TLL1: variants seen among roughly 807,000 people sequenced by gnomAD.
TLL1 encodes the protein tolloid like 1.
Under a neutral mutation model 128.2 loss-of-function variants are expected in TLL1, and 49 were observed. The ratio of observed to expected loss-of-function variants is 0.38; its 90% confidence interval spans 0.30 to 0.48. TLL1 has a LOEUF of 0.48. TLL1 is among the 20% of genes least tolerant of loss of function. TLL1 has a pLI of 0.96. For missense variants in TLL1, 1,123 were observed against 1,242.0 expected (o/e 0.90, Z 1.44); for synonymous variants, 454 against 418.8 (o/e 1.08, Z -1.03).
At chr4:166,004,239 C>T (rs1041173141) in intron 6 of TLL1, among the ~76,000 whole-genome samples, 5 of 151,994 alleles carry the variant, frequency 3.3e-5, no homozygotes, top group East Asian at 3.9e-4. Context: ...TTTCAGTTGC[C>T]GAAAAATATT....
intron 1 of TLL1, among the ~76,000 whole-genome samples, chr4:165,975,329 C>A (rs1230563715): frequency 6.6e-6 from 1 of 152,086 alleles, no homozygotes; most frequent in Non-Finnish European, 1.5e-5. Context: ...CCCCTTCCCC[C>A]TCCCCCACGC....
chr4:165,940,164 T>C (rs1733942772), intron 1 of TLL1, among the ~76,000 whole-genome samples: 1 of 152,006 alleles, frequency 6.6e-6, no homozygotes, highest in Non-Finnish European at 1.5e-5. Context: ...TTTTCATTTA[T>C]GTTTTTTTTC....
At chr4:166,062,068 T>C (rs887540832) in intron 15 of TLL1, among the ~76,000 whole-genome samples, 1 of 152,152 alleles carries the variant, frequency 6.6e-6, no homozygotes, top group Non-Finnish European at 1.5e-5. Flanking sequence ...TTCTGTTCCA[T>C]TGATCTATAT....
At chr4:166,059,771 C>A (rs1468523342) in intron 14 of TLL1, among the ~76,000 whole-genome samples, 1 of 151,990 alleles carries the variant, frequency 6.6e-6, no homozygotes, top group Non-Finnish European at 1.5e-5. Context: ...GCTCCCCCTA[C>A]TTTAAAGTTA....
chr4:165,971,997 A>G lies in TLL1; in HGVS notation c.170-17384A>G, dbSNP rs1735648751. Among the ~76,000 whole-genome samples the G allele has an allele frequency of 5.3e-5, 8 of 152,322 alleles. No individual in the cohort carries two copies. In the South Asian group the frequency reaches 1.7e-3, roughly 32 times the overall value. ...AGCTTTGTGTAGCCTACGTATAAGTAGAACCATCAGGATAATTGTTTTTAA... is the reference window on the plus strand; with the variant it reads ...AGCTTTGTGTAGCCTACGTATAAGTGGAACCATCAGGATAATTGTTTTTAA... On this transcript the variant is annotated intron_variant, in intron 1 of 20. Transcript: ENST00000061240.
intron 15 of TLL1, among the ~76,000 whole-genome samples, chr4:166,063,411 A>G (rs1288184071): frequency 2.0e-5 from 3 of 152,204 alleles, no homozygotes; most frequent in Non-Finnish European, 4.4e-5. Flanking sequence ...AACTAGTTCA[A>G]CCATTGTGGA....
Position 166,064,535 on chromosome 4 carries a change from C to T in TLL1, c.2008-1148C>T, listed in dbSNP as rs533594427. On this transcript the variant is annotated intron_variant, in intron 15 of 20. Transcript: ENST00000061240. ...TGTTCTTTAATTTATAATCATGTTA[C>T]TGTGTAGAAAGCTGTTACAGAATTC... is the stretch of plus-strand genomic sequence containing the variant. Among the ~76,000 whole-genome samples, 4 of 152,152 alleles carry T rather than the reference C, an allele frequency of 2.6e-5. No homozygotes were observed. In the South Asian group the frequency reaches 8.3e-4, roughly 32 times the overall value.
At chr4:165,953,633 TA>T (rs1376659419) in intron 1 of TLL1, among the ~76,000 whole-genome samples, 1 of 14,116 alleles carries the variant, frequency 7.1e-5, no homozygotes, top group African/African-American at 3.2e-4. Context: ...CTGTCATATA[TA>T]TATATATATA....
chr4:166,081,978 G>A (rs571151735), intron 18 of TLL1, among the ~76,000 whole-genome samples: 4 of 152,044 alleles, frequency 2.6e-5, no homozygotes, highest in Non-Finnish European at 4.4e-5. Flanking sequence ...GCCAATATTC[G>A]ACTTGAGAAT....
At chr4:166,062,900 C>G (rs186185766) in intron 15 of TLL1, among the ~76,000 whole-genome samples, 5 of 152,104 alleles carry the variant, frequency 3.3e-5, no homozygotes, top group Admixed American at 2.0e-4. Context: ...CCCATCAATA[C>G]CTAGTTTATT....
intron 1 of TLL1, among the ~76,000 whole-genome samples, chr4:165,975,888 C>T (rs1483593755): frequency 6.6e-6 from 1 of 151,440 alleles, no homozygotes; most frequent in Non-Finnish European, 1.5e-5. Context: ...AAATACAAAA[C>T]TTAGCTGGGC....
intron 1 of TLL1, among the ~76,000 whole-genome samples, chr4:165,956,606 T>C (rs760110349): frequency 6.6e-6 from 1 of 152,002 alleles, no homozygotes; most frequent in African/African-American, 2.4e-5. Flanking sequence ...AAAATCACTG[T>C]TATTCTCTTC....
At chr4:166,090,826 T>G (rs553815445) in intron 18 of TLL1, among the ~76,000 whole-genome samples, 1 of 152,200 alleles carries the variant, frequency 6.6e-6, no homozygotes, top group African/African-American at 2.4e-5. Context: ...TGGATTAAAT[T>G]CAGAATAAAA....
chr4:166,062,951 G>A (rs1004733383), intron 15 of TLL1, among the ~76,000 whole-genome samples: 1 of 152,076 alleles, frequency 6.6e-6, no homozygotes, highest in Admixed American at 6.6e-5. Context: ...TTTGTCAAAG[G>A]CCTTTTCTGC....
At chr4:165,877,141 TAG>T (rs1730756283) in intron 1 of TLL1, among the ~76,000 whole-genome samples, 1 of 152,234 alleles carries the variant, frequency 6.6e-6, no homozygotes, top group Non-Finnish European at 1.5e-5. Context: ...ATTTGTGAAA[TAG>T]AATACAATTT....
At chr4:166,047,398 T>G (rs1285009615) in intron 12 of TLL1, among the ~76,000 whole-genome samples, 1 of 151,452 alleles carries the variant, frequency 6.6e-6, no homozygotes, top group Non-Finnish European at 1.5e-5. Flanking sequence ...TCTCCTGAAT[T>G]CGTGATCTGC....
rs79858677 is a variant in TLL1 at position 165,987,889 on chromosome 4, T to C, written c.170-1492T>C. On this transcript the variant is annotated intron_variant, in intron 1 of 20. Coordinates refer to ENST00000061240, the MANE Select transcript of TLL1 (RefSeq NM_012464.5). Reference sequence around the variant, plus strand: ...AAGATTTAAATCCAATGAAAGACAGTAATTTGAAAAGCATGGATTTTGTCA... The same window carrying C: ...AAGATTTAAATCCAATGAAAGACAGCAATTTGAAAAGCATGGATTTTGTCA... 3.1e-3 allele frequency among the ~76,000 whole-genome samples: 479 copies of C among 152,222 alleles called. 11 individuals are homozygous for C. The East Asian group carries it at 0.043, about 14-fold the overall frequency.
chr4:165,902,124 T>C (rs1044660205), intron 1 of TLL1, among the ~76,000 whole-genome samples: 8 of 152,154 alleles, frequency 5.3e-5, no homozygotes, highest in African/African-American at 1.7e-4. Flanking sequence ...AGGTTGACTT[T>C]AGACTGCTGT....
At chr4:166,004,728 A>C (rs1223845768) in intron 6 of TLL1, among the ~76,000 whole-genome samples, 1 of 152,100 alleles carries the variant, frequency 6.6e-6, no homozygotes, top group African/African-American at 2.4e-5. Context: ...TTTTTATGTG[A>C]CCATTATGGT....
Sources: allele counts gnomAD v4.1 joint callset (sites outside exome capture counted in the v4.1 genomes callset), GRCh38; gene constraint gnomAD v4.1.1; transcripts MANE v1.5; gene names NCBI Gene and HGNC (gene_info 2026-07-23, HGNC 2026-07-21).